The following RNFT2 variants were observed in gnomAD, a reference collection of about 807,000 sequenced individuals.
RNFT2 encodes the protein ring finger protein, transmembrane 2, also known as E3 ubiquitin-protein ligase RNFT2.
In RNFT2, 36 loss-of-function variants were observed where a neutral mutation model predicts 53.0. The observed-to-expected ratio is 0.68, with a 90% CI of 0.52 to 0.90. RNFT2 has a LOEUF of 0.90. Among genes scored for constraint, RNFT2 ranks in the 40% least tolerant of loss-of-function variants. The pLI, the probability that RNFT2 is intolerant of heterozygous loss-of-function variation, is 0.00. For synonymous variants in RNFT2, 260 were observed against 253.2 expected (o/e 1.03, Z -0.26); for missense variants, 514 against 585.6 (o/e 0.88, Z 1.26).
At chr12:116,847,053 C>T (rs530502027) in intron 10 of RNFT2, among the ~76,000 whole-genome samples, 1 of 151,956 alleles carries the variant, frequency 6.6e-6, no homozygotes, top group Admixed American at 6.6e-5. Flanking sequence ...GGACTATAGG[C>T]GTGTGCCACC....
rs1451279214 is a variant in RNFT2 at position 116,811,842 on chromosome 12, T to C, written c.883-21950T>C. 3.3e-5 allele frequency among the ~76,000 whole-genome samples: 5 copies of C among 152,188 alleles called. No individual in the cohort carries two copies. The East Asian group carries it at 9.7e-4, about 29-fold the overall frequency. ...CCCAGAAGTGCTAAGATCAGAACCCTGAATGGAAGGAAGGAAAAGAAGGGA... is the reference window on the plus strand; with the variant it reads ...CCCAGAAGTGCTAAGATCAGAACCCCGAATGGAAGGAAGGAAAAGAAGGGA... On this transcript the variant is annotated intron_variant, in intron 7 of 10. Coordinates refer to ENST00000257575, the MANE Select transcript of RNFT2 (RefSeq NM_001382266.1).
chr12:116,776,916 A>ATT (rs10634667), intron 6 of RNFT2, among the ~76,000 whole-genome samples: 70,086 of 125,788 alleles, frequency 0.56, 20,702 homozygotes, highest in East Asian at 0.65. Context: ...TCAAAATGGG[A>ATT]TTTTTTTTTT....
chr12:116,795,175 A>G (rs947026364), intron 7 of RNFT2, among the ~76,000 whole-genome samples: 1 of 151,994 alleles, frequency 6.6e-6, no homozygotes, highest in Admixed American at 6.6e-5. Context: ...GGAGGCCAAG[A>G]CAGGTGGATC....
intron 7 of RNFT2, among the ~76,000 whole-genome samples, chr12:116,809,881 GC>G (rs895525340): frequency 2.0e-5 from 3 of 152,022 alleles, no homozygotes; most frequent in African/African-American, 7.2e-5. Context: ...CACCATGTTG[GC>G]CAGGCTGGTC....
At chr12:116,839,788 G>GGGAGGGGC (rs1211446459) in intron 10 of RNFT2, among the ~76,000 whole-genome samples, 91 of 139,458 alleles carry the variant, frequency 6.5e-4, no homozygotes, top group African/African-American at 2.2e-3. Context: ...GAGGGAGGGA[G>GGGAGGGGC]GGAGGGGCGG....
intron 10 of RNFT2, among the ~76,000 whole-genome samples, chr12:116,844,938 C>T (rs977478340): frequency 6.6e-6 from 1 of 151,880 alleles, no homozygotes; most frequent in Non-Finnish European, 1.5e-5. Flanking sequence ...CAGGTTCTGC[C>T]CTCAGAAAGC....
At chr12:116,823,080 G>A (rs1876134236) in intron 7 of RNFT2, among the ~76,000 whole-genome samples, 1 of 152,186 alleles carries the variant, frequency 6.6e-6, no homozygotes, top group Non-Finnish European at 1.5e-5. Flanking sequence ...TTGACCTCCT[G>A]GATCCAGGAA....
intron 3 of RNFT2, among the ~76,000 whole-genome samples, chr12:116,743,247 G>A (rs79045084): frequency 0.94 from 57,670 of 61,560 alleles, 26,944 homozygotes; most frequent in Middle Eastern, 0.98. Context: ...AAAAAAAACC[G>A]GTTAAAAAAC....
chr12:116,761,478 C>T (rs1423429081), intron 5 of RNFT2, among the ~76,000 whole-genome samples: 2 of 152,150 alleles, frequency 1.3e-5, no homozygotes, highest in African/African-American at 4.8e-5. Context: ...CACCTTCATG[C>T]TTATGGCCAT....
rs1421449010 is a variant in RNFT2, at chr12:116,750,838, ATTATATATATAT to A, written c.550+532_550+543del. ...TATATATTATATATATAATATATAT[ATTATATATATAT>A]AATATATATTATATATATATAATAT... On this transcript the variant is annotated intron_variant, in intron 4 of 10. Coordinates refer to ENST00000257575, the MANE Select transcript of RNFT2 (RefSeq NM_001382266.1). 9.5e-3 allele frequency among the ~76,000 whole-genome samples: 132 copies of A among 13,928 alleles called. 13 individuals are homozygous for A. In the East Asian group the frequency reaches 0.18, roughly 19 times the overall value. The allele number at this position is 13,928 out of a possible 152,430, so 9.1% of individuals were successfully genotyped here.
At chr12:116,814,418 G>C (rs565263101) in intron 7 of RNFT2, among the ~76,000 whole-genome samples, 2 of 152,250 alleles carry the variant, frequency 1.3e-5, no homozygotes, top group Admixed American at 6.5e-5. Flanking sequence ...AGACAGTGGT[G>C]GGGGGTAGGG....
At chr12:116,843,611 G>A (rs1254662311) in intron 10 of RNFT2, among the ~76,000 whole-genome samples, 1 of 151,672 alleles carries the variant, frequency 6.6e-6, no homozygotes, top group Non-Finnish European at 1.5e-5. Context: ...AGCTGAGAAA[G>A]GGCTCCTTCT....
chr12:116,779,638 G>C (rs1873599645), intron 7 of RNFT2, among the ~76,000 whole-genome samples: 1 of 151,996 alleles, frequency 6.6e-6, no homozygotes, highest in African/African-American at 2.4e-5. Context: ...TCACCTGAGA[G>C]AGGAAAAAAA....
In RNFT2 at chr12:116,766,091, G is replaced by A. The variant is rs138012202; in HGVS notation, c.628-723G>A. On this transcript the variant is annotated intron_variant, in intron 5 of 10. Transcript: ENST00000257575. The stretch of plus-strand genomic sequence containing the variant: ...GTTCAAGACCAGCCTGAGCCAAATA[G>A]CAAGACTCTGTCTCTAAAAAAAAAT... Among the ~76,000 whole-genome samples the A allele has an allele frequency of 7.8e-3, 1,185 of 151,866 alleles. 13 individuals carry two copies. Among genetic ancestry groups the A allele is most frequent in the Middle Eastern group, 0.01 (3 of 294 alleles).
intron 7 of RNFT2, among the ~76,000 whole-genome samples, chr12:116,783,062 G>A (rs1873784718): frequency 6.6e-6 from 1 of 152,180 alleles, no homozygotes; most frequent in East Asian, 1.9e-4. Context: ...GGCTACCAGG[G>A]TGATGCTTTT....
At position 116,851,821 on chromosome 12, in the gene RNFT2, CA is replaced by C; in HGVS notation, c.*2374del. On this transcript the variant is annotated 3_prime_UTR_variant, in exon 11 of 11. Transcript: ENST00000257575. Reference sequence around the variant, plus strand: ...AAAGAAAGAAAGGTCAGCTTTGGCCCAGATGTGGTTACCCCTTGGTCTCCTG... The same window carrying C: ...AAAGAAAGAAAGGTCAGCTTTGGCCCGATGTGGTTACCCCTTGGTCTCCTG... The C allele has an allele frequency of 1.7e-6, 2 of 1,156,528 alleles. No individual in the cohort carries two copies. The highest frequency in any genetic ancestry group is 3.0e-5 in the African/African-American group (2 of 65,772). 71.6% of individuals were successfully genotyped at this position (1,156,528 alleles called of 1,614,324 possible).
intron 7 of RNFT2, among the ~76,000 whole-genome samples, chr12:116,806,543 G>C (rs986791882): frequency 6.6e-6 from 1 of 151,686 alleles, no homozygotes; most frequent in Admixed American, 6.6e-5. Flanking sequence ...CCAGGAGTTC[G>C]AGACCAAGCC....
chr12:116,844,433 C>T (rs1334554322), intron 10 of RNFT2, among the ~76,000 whole-genome samples: 5 of 152,194 alleles, frequency 3.3e-5, no homozygotes, highest in East Asian at 1.9e-4. Flanking sequence ...GACAGGCTTT[C>T]GCCATGTTGG....
At chr12:116,823,348 A>G (rs1234207589) in intron 7 of RNFT2, among the ~76,000 whole-genome samples, 1 of 152,186 alleles carries the variant, frequency 6.6e-6, no homozygotes, top group Non-Finnish European at 1.5e-5. Flanking sequence ...CCTGACTTCA[A>G]ATGCCACACT....
Sources: gnomAD v4.1 joint callset for allele counts (sites outside exome capture counted in the v4.1 genomes callset) on GRCh38, gnomAD v4.1.1 for gene constraint, MANE v1.5 for transcripts, NCBI Gene and HGNC (gene_info 2026-07-23, HGNC 2026-07-21) for gene names.